The following ARPP21 variants were observed in gnomAD, a reference collection of about 807,000 sequenced individuals.
ARPP21 encodes cAMP regulated phosphoprotein 21, also known as cAMP-regulated phosphoprotein 21.
ARPP21 carries 69 observed loss-of-function variants against 113.2 expected under a neutral mutation model. That is an observed-to-expected ratio of 0.61 (90% CI 0.50 to 0.74). The LOEUF (loss-of-function observed/expected upper bound fraction) is 0.74. Among genes scored for constraint, ARPP21 ranks in the 30% least tolerant of loss-of-function variants. The probability of loss-of-function intolerance (pLI) is 0.00; values close to 1 mark genes in which losing one functional copy is unlikely to be tolerated. For missense variants in ARPP21, 1,070 were observed against 1,037.4 expected (o/e 1.03, Z -0.43); for synonymous variants, 368 against 375.5 (o/e 0.98, Z 0.23).
At chr3:35,727,040 A>G (rs1456187521) in intron 14 of ARPP21, among the ~76,000 whole-genome samples, 3 of 152,180 alleles carry the variant, frequency 2.0e-5, no homozygotes, top group Admixed American at 6.5e-5. Context: ...TATTATTAGC[A>G]TTTTCAATAT....
intron 13 of ARPP21, among the ~76,000 whole-genome samples, chr3:35,718,593 T>C (rs554161977): frequency 1.3e-5 from 2 of 152,120 alleles, no homozygotes; most frequent in Admixed American, 6.6e-5. Context: ...ATGGATTTCA[T>C]CACCCACCCA....
At chr3:35,736,877 C>T (rs866516305) in intron 15 of ARPP21, among the ~76,000 whole-genome samples, 3 of 152,192 alleles carry the variant, frequency 2.0e-5, no homozygotes, top group Non-Finnish European at 2.9e-5. Flanking sequence ...AAGATTGCTT[C>T]TCCACAGGTC....
intron 9 of ARPP21, among the ~76,000 whole-genome samples, chr3:35,701,989 G>A (rs2086591940): frequency 1.3e-5 from 2 of 151,552 alleles, no homozygotes; most frequent in African/African-American, 4.8e-5. Context: ...CCAGTAATTG[G>A]ATGCAAACCA....
At chr3:35,768,764 T>A (rs1009602627) in intron 19 of ARPP21, among the ~76,000 whole-genome samples, 3 of 152,240 alleles carry the variant, frequency 2.0e-5, no homozygotes, top group Admixed American at 1.3e-4. Context: ...ATTACCATAA[T>A]ACAGTGTTAT....
At chr3:35,645,144 C>A (rs527584745) in intron 1 of ARPP21, among the ~76,000 whole-genome samples, 1 of 151,814 alleles carries the variant, frequency 6.6e-6, no homozygotes, top group African/African-American at 2.4e-5. Context: ...AAAATCATTT[C>A]TTTTTATCCA....
At chr3:35,754,829 T>G (rs1472493490) in intron 19 of ARPP21, among the ~76,000 whole-genome samples, 1 of 152,002 alleles carries the variant, frequency 6.6e-6, no homozygotes, top group Non-Finnish European at 1.5e-5. Flanking sequence ...AGTTAAGAAC[T>G]ACTGGTATTA....
chr3:35,771,879 A>G (rs1479751996), intron 19 of ARPP21, among the ~76,000 whole-genome samples: 2 of 152,202 alleles, frequency 1.3e-5, no homozygotes, highest in African/African-American at 4.8e-5. Context: ...TTTGGACTAT[A>G]TTATGTTCAG....
At chr3:35,685,455 T>C in intron 5 of ARPP21, 1 of 985,178 alleles carries the variant, frequency 1.0e-6, no homozygotes, top group Non-Finnish European at 1.2e-6. Flanking sequence ...TTTTAGAGAA[T>C]AAAGAAACAG....
At chr3:35,675,581 G>A (rs2149378593) in intron 1 of ARPP21, among the ~76,000 whole-genome samples, 1 of 151,958 alleles carries the variant, frequency 6.6e-6, no homozygotes, top group Middle Eastern at 3.4e-3. Context: ...TCCAGGGTAA[G>A]CTTTGGGAAA....
chr3:35,792,205 C>T (rs913323170), intron 19 of ARPP21, 177 bp from the exon 20 acceptor site: 1 of 642,802 alleles, frequency 1.6e-6, no homozygotes, highest in East Asian at 2.6e-5. Context: ...ATCTTGTTCA[C>T]TCTTAGAAGT....
chr3:35,664,815 C>G (rs1432431382), intron 1 of ARPP21, among the ~76,000 whole-genome samples: 1 of 152,168 alleles, frequency 6.6e-6, no homozygotes, highest in African/African-American at 2.4e-5. Context: ...GCTGCCAACT[C>G]CCAGCAGCTG....
intron 1 of ARPP21, among the ~76,000 whole-genome samples, chr3:35,676,384 G>A (rs1340920073): frequency 1.3e-5 from 1 of 74,882 alleles, no homozygotes; most frequent in East Asian, 5.9e-4. Flanking sequence ...CCTTCTACAT[G>A]TTTATAAAAT....
chr3:35,755,375 A>G (rs1298164119), intron 19 of ARPP21, among the ~76,000 whole-genome samples: 1 of 152,030 alleles, frequency 6.6e-6, no homozygotes, highest in Non-Finnish European at 1.5e-5. Flanking sequence ...TCTTGACTGT[A>G]CACAAGTTCC....
Position 35,675,567 on chromosome 3 carries a change from C to G in ARPP21, c.-212-4220C>G, listed in dbSNP as rs181031159. Reference sequence around the variant, plus strand: ...CCTGATGTTTGTATTGTTCCAGGACCATATCCAGGGTAAGCTTTGGGAAAA... The same window carrying G: ...CCTGATGTTTGTATTGTTCCAGGACGATATCCAGGGTAAGCTTTGGGAAAA... On this transcript the variant is annotated intron_variant, in intron 1 of 20. Coordinates refer to ENST00000684406, the MANE Select transcript of ARPP21 (RefSeq NM_001385562.1). Among the ~76,000 whole-genome samples, 87 of 151,912 alleles carry G rather than the reference C, an allele frequency of 5.7e-4. 1 individual carries two copies. Among genetic ancestry groups the G allele is most frequent in the Admixed American group, 1.6e-3 (24 of 15,204 alleles).
chr3:35,723,987 A>G (rs769984115), intron 14 of ARPP21, among the ~76,000 whole-genome samples: 2 of 152,218 alleles, frequency 1.3e-5, no homozygotes, highest in African/African-American at 2.4e-5. Flanking sequence ...ACAAGTTTTC[A>G]GTTTTTTACC....
At chr3:35,690,807 G>C in intron 8 of ARPP21, 58 bp from the exon 9 acceptor site, 1 of 1,504,330 alleles carries the variant, frequency 6.6e-7, no homozygotes, top group South Asian at 1.3e-5. Context: ...CTTGTAAAAA[G>C]GTATTATGGG....
At chr3:35,675,569 T>C (rs1388124392) in intron 1 of ARPP21, among the ~76,000 whole-genome samples, 1 of 151,926 alleles carries the variant, frequency 6.6e-6, no homozygotes, top group Admixed American at 6.6e-5. Flanking sequence ...TCCAGGACCA[T>C]ATCCAGGGTA....
At position 35,743,898 on chromosome 3, in the gene ARPP21, G is replaced by T. The variant is rs754185141; in HGVS notation, c.2070G>T (p.Arg690=). The T allele has an allele frequency of 1.2e-6, 2 of 1,613,980 alleles. No homozygotes were observed. Among genetic ancestry groups the T allele is most frequent in the Non-Finnish European group, 1.7e-6 (2 of 1,179,908 alleles). The change falls in exon 19 of 21, where the codon CGG becomes CGT. Residue 690 remains arginine, a synonymous_variant. Transcript: ENST00000684406. The stretch of plus-strand genomic sequence containing the variant: ...CTACCTCAACCACGCAACAGTACCG[G>T]CCCATGGCCCCGGTTCAGTACAACG... ...QYPTSTTQQY[R]PMAPVQYNAQ... is the part of the protein sequence containing the mutation.
At chr3:35,715,813 A>T (rs2092308367) in intron 12 of ARPP21, 1 of 182,708 alleles carries the variant, frequency 5.5e-6, no homozygotes, top group South Asian at 1.2e-4. Flanking sequence ...TTGCAGTTTC[A>T]TTGGCTTATT....
Sources: gnomAD v4.1 joint callset for allele counts (sites outside exome capture counted in the v4.1 genomes callset) on GRCh38, gnomAD v4.1.1 for gene constraint, MANE v1.5 for transcripts, NCBI Gene and HGNC (gene_info 2026-07-23, HGNC 2026-07-21) for gene names.